ATXN2: variants seen among roughly 807,000 people sequenced by gnomAD.
ATXN2 encodes ataxin-2.
ATXN2 carries 37 observed loss-of-function variants against 138.6 expected under a neutral mutation model. The observed-to-expected ratio is 0.27, with a 90% CI of 0.21 to 0.35. The LOEUF (loss-of-function observed/expected upper bound fraction) is 0.35, where lower values mean the gene tolerates loss of function less well. Ranked by LOEUF, ATXN2 falls within the 10% of genes least tolerant of loss-of-function variation. The probability of loss-of-function intolerance (pLI) is 1.00; values close to 1 mark genes in which losing one functional copy is unlikely to be tolerated. For synonymous variants in ATXN2, 549 were observed against 543.7 expected (o/e 1.01, Z -0.13); for missense variants, 1,216 against 1,480.3 (o/e 0.82, Z 2.93).
At chr12:111,467,798 A>T (rs1300677633) in intron 20 of ATXN2, among the ~76,000 whole-genome samples, 3 of 152,202 alleles carry the variant, frequency 2.0e-5, no homozygotes, top group Non-Finnish European at 4.4e-5. Context: ...TAGTTATGAA[A>T]ATCATCTGTA....
At chr12:111,472,436 T>C (rs1876481485) in intron 18 of ATXN2, among the ~76,000 whole-genome samples, 1 of 152,186 alleles carries the variant, frequency 6.6e-6, no homozygotes, top group Non-Finnish European at 1.5e-5. Flanking sequence ...CCTTCATATA[T>C]GGTACTTCAT....
intron 1 of ATXN2, chr12:111,597,819 G>A (rs2034674423): frequency 7.9e-7 from 1 of 1,258,006 alleles, no homozygotes; most frequent in Non-Finnish European, 1.0e-6. Context: ...CGAAATTGGG[G>A]CGGGGGTTGG....
Position 111,598,069 on chromosome 12 carries a change from G to A in ATXN2, c.251+715C>T. ...TTCCCTTCCCCAGGTGGGGGAGGGT[G>A]GAACGCTGCCGGAGGCCACATGGAG... is the stretch of plus-strand genomic sequence containing the variant. On this transcript the variant is annotated intron_variant, in intron 1 of 24. Transcript: ENST00000673436. This position sits in a 1 kb window ranked among gnomAD's most constrained non-coding sequence, Gnocchi z 4.5. The A allele has an allele frequency of 2.6e-6, 3 of 1,144,194 alleles. No homozygotes were observed. The highest frequency in any genetic ancestry group is 3.6e-5 in the South Asian group (2 of 55,116). 70.9% of individuals were successfully genotyped at this position (1,144,194 alleles called of 1,614,324 possible).
intron 10 of ATXN2, among the ~76,000 whole-genome samples, chr12:111,515,807 T>C (rs878856492): frequency 2.0e-5 from 3 of 152,138 alleles, no homozygotes; most frequent in Admixed American, 2.0e-4. Flanking sequence ...TGAACCTAAG[T>C]TCAAGACTGG....
chr12:111,540,981 G>A lies in ATXN2; in HGVS notation c.571+11299C>T, dbSNP rs1245763245. Reference sequence around the variant, plus strand: ...CAAAGTGCTGGGATTACAAGCGTGAGCACCACACCCGGCCTAAATCTTTAA... The same window carrying A: ...CAAAGTGCTGGGATTACAAGCGTGAACACCACACCCGGCCTAAATCTTTAA... On this transcript the variant is annotated intron_variant, in intron 5 of 24. Transcript: ENST00000673436. Among the ~76,000 whole-genome samples the A allele has an allele frequency of 2.0e-5, 3 of 150,264 alleles. 1 individual carries two copies. Among genetic ancestry groups the A allele is most frequent in the Non-Finnish European group, 3.0e-5 (2 of 67,066 alleles).
At chr12:111,562,904 G>GA (rs925220614) in intron 1 of ATXN2, among the ~76,000 whole-genome samples, 5 of 152,010 alleles carry the variant, frequency 3.3e-5, no homozygotes, top group Admixed American at 2.6e-4. Context: ...AGATACTGAT[G>GA]AAATGACCAA....
chr12:111,541,620 A>C (rs1391303184), intron 5 of ATXN2, among the ~76,000 whole-genome samples: 1 of 148,844 alleles, frequency 6.7e-6, no homozygotes, highest in African/African-American at 2.4e-5. Flanking sequence ...GGCGTGAGCC[A>C]CCGCACCCAG....
intron 5 of ATXN2, among the ~76,000 whole-genome samples, chr12:111,528,179 A>T (rs374036959): frequency 6.6e-6 from 1 of 152,224 alleles, no homozygotes; most frequent in Non-Finnish European, 1.5e-5. Context: ...CAGTATTAAA[A>T]ACAATACTCT....
At chr12:111,454,942 C>G in intron 23 of ATXN2, 1 of 671,852 alleles carries the variant, frequency 1.5e-6, no homozygotes, top group Non-Finnish European at 2.8e-6. Context: ...GCTTCCCTCC[C>G]CACTATCAAA....
At chr12:111,455,901 G>C in intron 23 of ATXN2, 128 bp downstream of exon 23, 1 of 899,622 alleles carries the variant, frequency 1.1e-6, no homozygotes. Context: ...GTGTATTTGA[G>C]AGGGAAAGGG....
At chr12:111,541,662 T>C (rs1209623932) in intron 5 of ATXN2, among the ~76,000 whole-genome samples, 1 of 149,448 alleles carries the variant, frequency 6.7e-6, no homozygotes, top group Admixed American at 6.7e-5. Context: ...CTGACATATT[T>C]TGTAGGGCAA....
At chr12:111,572,057 C>T (rs1426314673) in intron 1 of ATXN2, among the ~76,000 whole-genome samples, 3 of 148,670 alleles carry the variant, frequency 2.0e-5, no homozygotes, top group Non-Finnish European at 4.5e-5. Flanking sequence ...AGAAAACGTG[C>T]AAACATACAC....
intron 21 of ATXN2, among the ~76,000 whole-genome samples, chr12:111,462,964 A>G (rs1305476098): frequency 7.7e-6 from 1 of 129,806 alleles, no homozygotes; most frequent in Admixed American, 7.2e-5. Flanking sequence ...ACACACATAC[A>G]TATATATATA....
Position 111,457,311 on chromosome 12 carries a change from A to G in ATXN2, c.2945T>C (p.Leu982Pro), listed in dbSNP as rs1875183524. 1 of 1,614,100 alleles carries G rather than the reference A, an allele frequency of 6.2e-7. No individual in the cohort carries two copies. The highest frequency in any genetic ancestry group is 8.5e-7 in the Non-Finnish European group (1 of 1,180,014). The change falls in exon 22 of 25, where the codon CTG becomes CCG. Residue 982 changes from leucine to proline, a missense_variant. Leu to Pro is a moderately conservative substitution (Grantham distance 98). This residue lies in a region of ATXN2 where 490 missense variants were observed against 653.5 expected (regional missense o/e 0.75). Coordinates refer to ENST00000673436, the MANE Select transcript of ATXN2 (RefSeq NM_001372574.1). Reference sequence around the variant, plus strand: ...CTGAGGGTGTGGAGTATGTGGGTGCAGGGTAGCGTTAGGGTGCGCATACTG... The same window carrying G: ...CTGAGGGTGTGGAGTATGTGGGTGCGGGGTAGCGTTAGGGTGCGCATACTG... ...AQQYAHPNAT[L>P]HPHTPHPQPS...
At position 111,598,943 on chromosome 12, in the gene ATXN2, GGCGGCGGCT is replaced by G. The variant is rs1330150641; in HGVS notation, c.83_91del (p.Gln28_Pro30del). On this transcript the variant is annotated inframe_deletion, in exon 1 of 25. Transcript: ENST00000673436. The surrounding 1 kb of genome is among the most constrained non-coding windows in gnomAD (Gnocchi z 4.5). ...GGGCTTGCGGACATTGGCAGCCGCG[GGCGGCGGCT>G]GCTGCTGCTGCTGCTGCTGCTGCTG... is the stretch of plus-strand genomic sequence containing the variant. 2.1e-6 allele frequency: 3 copies of G among 1,427,830 alleles called. No individual in the cohort carries two copies. The Admixed American group carries it at 7.6e-5, about 36-fold the overall frequency. 88.4% of individuals were successfully genotyped at this position (1,427,830 alleles called of 1,614,324 possible).
intron 11 of ATXN2, chr12:111,512,181 C>T (rs1879568414): frequency 6.6e-6 from 1 of 152,212 alleles, no homozygotes; most frequent in Non-Finnish European, 1.5e-5. Context: ...GAACTCCTGA[C>T]CTCAAGTGAT....
chr12:111,572,026 A>AAG lies in ATXN2; in HGVS notation c.252-16108_252-16107insCT, dbSNP rs1555242443. Reference sequence around the variant, plus strand: ...GACTCTGTCTCAAAAAAAAAAAAAAAGGGGCTTTTAAAATATGTAAAGAAA... The same window carrying AAG: ...GACTCTGTCTCAAAAAAAAAAAAAAAAGGGGGCTTTTAAAATATGTAAAGAAA... On this transcript the variant is annotated intron_variant, in intron 1 of 24. Transcript: ENST00000673436. 1.9e-3 allele frequency among the ~76,000 whole-genome samples: 278 copies of AAG among 148,960 alleles called. 3 individuals carry two copies. The highest frequency in any genetic ancestry group is 5.6e-3 in the African/African-American group (226 of 40,132).
chr12:111,482,981 A>C (rs1292132604), intron 18 of ATXN2: 2 of 152,262 alleles, frequency 1.3e-5, no homozygotes, highest in Non-Finnish European at 2.9e-5. Context: ...TGAGCCCAGG[A>C]GTTTGAGACC....
chr12:111,513,638 C>T, intron 10 of ATXN2, 99 bp from the exon 11 acceptor site: 4 of 971,196 alleles, frequency 4.1e-6, no homozygotes, highest in Non-Finnish European at 5.7e-6. Flanking sequence ...CACACACACT[C>T]ACTCACTCTA....
Sources: gnomAD v4.1 joint callset for allele counts (sites outside exome capture counted in the v4.1 genomes callset) on GRCh38, gnomAD v4.1.1 for gene constraint, gnomAD v4.1.1 regional missense constraint, Gnocchi (gnomAD v3.1) non-coding constraint, MANE v1.5 for transcripts, NCBI Gene and HGNC (gene_info 2026-07-23, HGNC 2026-07-21) for gene names.